The following PRKCA variants were observed in gnomAD, a reference collection of about 807,000 sequenced individuals.
The protein encoded by PRKCA is protein kinase C alpha, also known as protein kinase C alpha type.
A neutral mutation model predicts 87.0 loss-of-function variants in PRKCA; 27 were observed. The observed-to-expected ratio is 0.31, with a 90% CI of 0.23 to 0.43. The LOEUF is 0.43. Ranked by LOEUF, PRKCA falls within the 20% of genes least tolerant of loss-of-function variation. The probability of loss-of-function intolerance (pLI) is 1.00; values close to 1 mark genes in which losing one functional copy is unlikely to be tolerated. For synonymous variants in PRKCA, 329 were observed against 311.1 expected (o/e 1.06, Z -0.61); for missense variants, 518 against 852.3 (o/e 0.61, Z 4.88).
intron 2 of PRKCA, among the ~76,000 whole-genome samples, chr17:66,327,202 T>C (rs1278959649): frequency 1.3e-5 from 2 of 151,616 alleles, no homozygotes; most frequent in Non-Finnish European, 2.9e-5. Flanking sequence ...CCGTCTCTAC[T>C]AAAAAATACA....
At chr17:66,363,854 C>T (rs1168180361) in intron 2 of PRKCA, among the ~76,000 whole-genome samples, 2 of 152,184 alleles carry the variant, frequency 1.3e-5, no homozygotes, top group African/African-American at 4.8e-5. Flanking sequence ...AGGCGCGTGC[C>T]ACCATGCCTG....
At chr17:66,763,575 T>C (rs900048747) in intron 13 of PRKCA, among the ~76,000 whole-genome samples, 3 of 152,228 alleles carry the variant, frequency 2.0e-5, no homozygotes, top group Non-Finnish European at 4.4e-5. Context: ...AAAACAAATG[T>C]AATTTTTCCA....
intron 2 of PRKCA, among the ~76,000 whole-genome samples, chr17:66,393,833 G>A (rs148088670): frequency 3.0e-4 from 45 of 152,186 alleles, no homozygotes; most frequent in African/African-American, 1.1e-3. Flanking sequence ...CAGCACTTTC[G>A]GAAGCCAACG....
At chr17:66,423,293 G>A (rs759135159) in intron 2 of PRKCA, among the ~76,000 whole-genome samples, 18 of 152,102 alleles carry the variant, frequency 1.2e-4, no homozygotes, top group Admixed American at 2.6e-4. Flanking sequence ...TTTATGCCCG[G>A]TTTCTTGTCT....
intron 2 of PRKCA, among the ~76,000 whole-genome samples, chr17:66,375,607 G>C (rs1909374028): frequency 6.6e-6 from 1 of 152,158 alleles, no homozygotes; most frequent in South Asian, 2.1e-4. Context: ...TCTTTCACAG[G>C]CCTTGTGTTA....
chr17:66,420,582 A>G (rs540863071), intron 2 of PRKCA, among the ~76,000 whole-genome samples: 14 of 152,140 alleles, frequency 9.2e-5, no homozygotes, highest in Admixed American at 2.6e-4. Context: ...ATTTTACCCA[A>G]CTGTAGGCTC....
chr17:66,709,523 G>A (rs183201014), intron 8 of PRKCA, among the ~76,000 whole-genome samples: 1 of 151,654 alleles, frequency 6.6e-6, no homozygotes, highest in Admixed American at 6.6e-5. Flanking sequence ...TGGCCAGGCT[G>A]GTCTTGAATT....
chr17:66,678,184 G>A (rs1245078022), intron 5 of PRKCA, among the ~76,000 whole-genome samples: 1 of 152,162 alleles, frequency 6.6e-6, no homozygotes, highest in African/African-American at 2.4e-5. Context: ...GAAATTACAG[G>A]CACAGAGAAG....
chr17:66,603,431 CG>C (rs1400846267), intron 3 of PRKCA, among the ~76,000 whole-genome samples: 8 of 152,090 alleles, frequency 5.3e-5, no homozygotes, highest in Non-Finnish European at 8.8e-5. Flanking sequence ...ATTTTCAAAA[CG>C]GGTCCTTTTT....
intron 3 of PRKCA, among the ~76,000 whole-genome samples, chr17:66,611,717 C>A (rs1219592369): frequency 1.3e-5 from 2 of 152,176 alleles, no homozygotes; most frequent in African/African-American, 2.4e-5. Context: ...TGCAGGGTCA[C>A]ATGTATTAAG....
chr17:66,403,250 T>G (rs192616291), intron 2 of PRKCA, among the ~76,000 whole-genome samples: 1 of 152,312 alleles, frequency 6.6e-6, no homozygotes, highest in Admixed American at 6.5e-5. Flanking sequence ...GCTAAGAAGC[T>G]CCTATTAGTC....
intron 5 of PRKCA, among the ~76,000 whole-genome samples, chr17:66,665,007 A>G (rs1470086891): frequency 1.3e-5 from 2 of 152,054 alleles, no homozygotes; most frequent in Non-Finnish European, 2.9e-5. Flanking sequence ...TGGTTCCATG[A>G]ACCCAGGATT....
At chr17:66,556,127 C>G (rs1232920641) in intron 3 of PRKCA, among the ~76,000 whole-genome samples, 2 of 152,088 alleles carry the variant, frequency 1.3e-5, no homozygotes, top group African/African-American at 2.4e-5. Flanking sequence ...CACCTTTGAG[C>G]ATCGAGTTTC....
chr17:66,510,656 C>T lies in PRKCA; in HGVS notation c.288+14373C>T, dbSNP rs77514357. 4.9e-4 allele frequency among the ~76,000 whole-genome samples: 75 copies of T among 152,334 alleles called. 2 individuals are homozygous for T. The East Asian group carries it at 0.013, about 27-fold the overall frequency. ...TTTACATAGCCTGCCTTTGCCAGGACAGAGACTGTCTTCAGAAATCTTAGA... is the reference window on the plus strand; with the variant it reads ...TTTACATAGCCTGCCTTTGCCAGGATAGAGACTGTCTTCAGAAATCTTAGA... On this transcript the variant is annotated intron_variant, in intron 3 of 16. Coordinates refer to ENST00000413366, the MANE Select transcript of PRKCA (RefSeq NM_002737.3).
At chr17:66,637,660 G>T (rs1380931583) in intron 3 of PRKCA, among the ~76,000 whole-genome samples, 3 of 152,298 alleles carry the variant, frequency 2.0e-5, no homozygotes, top group African/African-American at 7.2e-5. Context: ...ACATAGAGGT[G>T]CTAGGTACTC....
At position 66,641,387 on chromosome 17, in the gene PRKCA, C is replaced by T. The variant is rs751581813; in HGVS notation, c.321C>T (p.His107=). 7 of 1,612,638 alleles carry T rather than the reference C, an allele frequency of 4.3e-6. No homozygotes were observed. The highest frequency in any genetic ancestry group is 5.1e-6 in the Non-Finnish European group (6 of 1,179,260). Residue 107 remains histidine, a synonymous_variant, in exon 4 of 17, where the codon CAC becomes CAT. Transcript: ENST00000413366. ...DPRSKHKFKI[H]TYGSPTFCDH... The stretch of plus-strand genomic sequence containing the variant: ...GGAGCAAGCACAAGTTCAAAATCCA[C>T]ACTTACGGAAGCCCCACCTTCTGCG...
intron 3 of PRKCA, among the ~76,000 whole-genome samples, chr17:66,548,912 A>G (rs560434716): frequency 1.3e-5 from 2 of 152,012 alleles, no homozygotes; most frequent in African/African-American, 2.4e-5. Context: ...GGCTCAAGCA[A>G]TCTTCCTGCC....
rs999825575 is a variant in PRKCA, at chr17:66,740,737, C to T, written c.1323-922C>T. 5.9e-5 allele frequency among the ~76,000 whole-genome samples: 9 copies of T among 152,160 alleles called. No homozygotes were observed. In the East Asian group the frequency reaches 1.5e-3, roughly 26 times the overall value. ...GACTGTAAAGAGCAGATAGCAGAGT[C>T]ACCCTATGTTATAAAGTAACATAAA... On this transcript the variant is annotated intron_variant, in intron 11 of 16. Coordinates refer to ENST00000413366, the MANE Select transcript of PRKCA (RefSeq NM_002737.3).
At chr17:66,718,050 T>G (rs192292823) in intron 8 of PRKCA, among the ~76,000 whole-genome samples, 7 of 152,312 alleles carry the variant, frequency 4.6e-5, no homozygotes, top group African/African-American at 9.6e-5. Context: ...GGGACTGACT[T>G]ACTAAGGATC....
Sources: allele counts gnomAD v4.1 joint callset (sites outside exome capture counted in the v4.1 genomes callset), GRCh38; gene constraint gnomAD v4.1.1; transcripts MANE v1.5; gene names NCBI Gene and HGNC (gene_info 2026-07-23, HGNC 2026-07-21).